Variants in PPP2R5E observed in about 807,000 individuals in gnomAD.
PPP2R5E encodes the protein protein phosphatase 2 regulatory subunit B'epsilon.
PPP2R5E carries 4 observed loss-of-function variants against 65.3 expected under a neutral mutation model. The ratio of observed to expected loss-of-function variants is 0.06; its 90% CI spans 0.03 to 0.14. PPP2R5E has a LOEUF of 0.14. Among genes scored for constraint, PPP2R5E ranks in the 10% least tolerant of loss-of-function variants. The probability of loss-of-function intolerance (pLI) is 1.00; values close to 1 mark genes in which losing one functional copy is unlikely to be tolerated. For missense variants in PPP2R5E, 274 were observed against 556.1 expected (o/e 0.49, Z 5.10); for synonymous variants, 183 against 187.4 (o/e 0.98, Z 0.19).
At chr14:63,482,640 C>A (rs1001585784) in intron 2 of PPP2R5E, among the ~76,000 whole-genome samples, 1 of 152,048 alleles carries the variant, frequency 6.6e-6, no homozygotes. Flanking sequence ...TGGCTGACTC[C>A]GACATCTGAA....
intron 2 of PPP2R5E, among the ~76,000 whole-genome samples, chr14:63,526,208 T>C (rs1369763364): frequency 6.6e-6 from 1 of 152,146 alleles, no homozygotes; most frequent in Non-Finnish European, 1.5e-5. Context: ...AAAACTAACA[T>C]GGCTCAAAAC....
intron 4 of PPP2R5E, among the ~76,000 whole-genome samples, chr14:63,418,282 G>A (rs1196572649): frequency 1.3e-5 from 2 of 152,136 alleles, no homozygotes; most frequent in Non-Finnish European, 2.9e-5. Context: ...CACAAAGAGG[G>A]GAGATTCTCA....
chr14:63,533,900 T>C (rs1436347721), intron 2 of PPP2R5E, among the ~76,000 whole-genome samples: 1 of 152,134 alleles, frequency 6.6e-6, no homozygotes, highest in South Asian at 2.1e-4. Context: ...TGAGCCGAGA[T>C]TGCGCCACTG....
At chr14:63,408,262 T>C (rs1449327090) in intron 5 of PPP2R5E, among the ~76,000 whole-genome samples, 1 of 152,208 alleles carries the variant, frequency 6.6e-6, no homozygotes, top group Non-Finnish European at 1.5e-5. Flanking sequence ...AACCTTTGTA[T>C]ATATATCTTT....
chr14:63,514,987 T>A (rs147984332), intron 2 of PPP2R5E, among the ~76,000 whole-genome samples: 1 of 152,108 alleles, frequency 6.6e-6, no homozygotes, highest in Admixed American at 6.5e-5. Context: ...CCCAAACCTA[T>A]CCCTCTTTTC....
chr14:63,479,195 A>G (rs1219331247), intron 2 of PPP2R5E: 3 of 152,318 alleles, frequency 2.0e-5, no homozygotes, highest in East Asian at 1.9e-4. Context: ...CCCAGATTTC[A>G]TAATAAAGAT....
At chr14:63,470,135 A>C (rs1890042708) in intron 2 of PPP2R5E, among the ~76,000 whole-genome samples, 1 of 152,042 alleles carries the variant, frequency 6.6e-6, no homozygotes, top group Non-Finnish European at 1.5e-5. Context: ...GCAGTGGCAC[A>C]GTCACAGCAC....
intron 5 of PPP2R5E, among the ~76,000 whole-genome samples, chr14:63,401,134 A>G (rs1290624403): frequency 6.6e-6 from 1 of 152,262 alleles, no homozygotes; most frequent in Admixed American, 6.5e-5. Context: ...GAATTGCAGT[A>G]TTAAACTATT....
At chr14:63,433,021 T>G (rs1887759007) in intron 3 of PPP2R5E, among the ~76,000 whole-genome samples, 1 of 141,310 alleles carries the variant, frequency 7.1e-6, no homozygotes, top group Non-Finnish European at 1.5e-5. Context: ...TTTTGTTTTT[T>G]GTTTTGTTTT....
In PPP2R5E at chr14:63,433,938, T is replaced by C. The variant is rs183654194; in HGVS notation, c.355-11844A>G. 3.9e-5 allele frequency among the ~76,000 whole-genome samples: 6 copies of C among 152,340 alleles called. No individual in the cohort carries two copies. In the East Asian group the frequency reaches 1.2e-3, roughly 29 times the overall value. ...TGATGGACCAAGGTAGTAACCACTGTTCATTTGCTTTCTAGCTTCCAAAAT... is the reference window on the plus strand; with the variant it reads ...TGATGGACCAAGGTAGTAACCACTGCTCATTTGCTTTCTAGCTTCCAAAAT... On this transcript the variant is annotated intron_variant, in intron 3 of 13. Coordinates refer to ENST00000337537, the MANE Select transcript of PPP2R5E (RefSeq NM_006246.5).
intron 13 of PPP2R5E, among the ~76,000 whole-genome samples, chr14:63,381,347 T>A (rs1165216602): frequency 6.6e-6 from 1 of 152,166 alleles, no homozygotes; most frequent in African/African-American, 2.4e-5. Flanking sequence ...TGGTGCCTCA[T>A]TCCCCCTGCT....
intron 3 of PPP2R5E, among the ~76,000 whole-genome samples, chr14:63,446,699 G>C (rs1594884570): frequency 6.6e-6 from 1 of 151,878 alleles, no homozygotes; most frequent in Non-Finnish European, 1.5e-5. Flanking sequence ...CGCAGTGGCA[G>C]GCGCCTGTAG....
intron 5 of PPP2R5E, among the ~76,000 whole-genome samples, chr14:63,402,100 G>A (rs1566676828): frequency 6.6e-6 from 1 of 152,156 alleles, no homozygotes; most frequent in Non-Finnish European, 1.5e-5. Context: ...TGGAAATAAT[G>A]GGATGAAATA....
At chr14:63,412,691 G>A (rs1374865529) in intron 5 of PPP2R5E, among the ~76,000 whole-genome samples, 1 of 152,182 alleles carries the variant, frequency 6.6e-6, no homozygotes, top group African/African-American at 2.4e-5. Context: ...AAACTTCACA[G>A]AAGAATCTGG....
intron 4 of PPP2R5E, 105 bp downstream of exon 4, chr14:63,421,888 T>G: frequency 1.2e-6 from 1 of 827,860 alleles, no homozygotes; most frequent in Non-Finnish European, 2.0e-6. Flanking sequence ...ATTAGTGTAC[T>G]CTAATTTGAT....
chr14:63,409,232 C>CA (rs1418087078), intron 5 of PPP2R5E, among the ~76,000 whole-genome samples: 9 of 151,674 alleles, frequency 5.9e-5, no homozygotes, highest in Non-Finnish European at 1.2e-4. Flanking sequence ...GACTCTGTCT[C>CA]AAAAAAACAA....
chr14:63,512,770 A>G (rs944503231), intron 2 of PPP2R5E, among the ~76,000 whole-genome samples: 3 of 152,210 alleles, frequency 2.0e-5, no homozygotes, highest in Non-Finnish European at 4.4e-5. Context: ...TGTAATTTTG[A>G]AAACTAAAAC....
intron 13 of PPP2R5E, among the ~76,000 whole-genome samples, chr14:63,376,855 T>C (rs911469264): frequency 6.6e-5 from 10 of 152,198 alleles, no homozygotes; most frequent in Non-Finnish European, 1.0e-4. Context: ...TTTTTTTCCA[T>C]GTTGCAGCGA....
chr14:63,535,931 T>C (rs894809284), intron 2 of PPP2R5E, among the ~76,000 whole-genome samples: 1 of 152,214 alleles, frequency 6.6e-6, no homozygotes, highest in Non-Finnish European at 1.5e-5. Flanking sequence ...ATTCCATAAA[T>C]TACTTCCTAG....
Sources: allele counts gnomAD v4.1 joint callset (sites outside exome capture counted in the v4.1 genomes callset), GRCh38; gene constraint gnomAD v4.1.1; transcripts MANE v1.5; gene names NCBI Gene and HGNC (gene_info 2026-07-23, HGNC 2026-07-21).